Variants in LRRTM4 observed in about 807,000 individuals in gnomAD.
LRRTM4 encodes leucine-rich repeat transmembrane neuronal protein 4.
Under a neutral mutation model 47.6 loss-of-function variants are expected in LRRTM4, and 25 were observed. That is an observed-to-expected ratio of 0.53 (90% CI 0.38 to 0.73). The LOEUF (loss-of-function observed/expected upper bound fraction) is 0.73. Ranked by LOEUF, LRRTM4 falls within the 30% of genes least tolerant of loss-of-function variation. The pLI, the probability that LRRTM4 is intolerant of heterozygous loss-of-function variation, is 0.00. For missense variants in LRRTM4, 638 were observed against 713.4 expected (o/e 0.89, Z 1.20); for synonymous variants, 311 against 269.5 (o/e 1.15, Z -1.51).
intron 3 of LRRTM4, among the ~76,000 whole-genome samples, chr2:76,965,937 G>A (rs2103924858): frequency 6.6e-6 from 1 of 151,366 alleles, no homozygotes; most frequent in Non-Finnish European, 1.5e-5. Context: ...ATAACTGTAG[G>A]GGTTGATTGG....
intron 3 of LRRTM4, among the ~76,000 whole-genome samples, chr2:76,998,279 ATCCTTCCTATTTCCT>A (rs1677275870): frequency 6.6e-6 from 1 of 151,996 alleles, no homozygotes; most frequent in Admixed American, 6.6e-5. Context: ...ATTCAGTTTA[ATCCTTCCTATTTCCT>A]ACATAAGTTT....
chr2:76,908,035 AGCC>A (rs1372000786), intron 3 of LRRTM4, among the ~76,000 whole-genome samples: 22 of 151,624 alleles, frequency 1.5e-4, no homozygotes, highest in Non-Finnish European at 2.4e-4. Context: ...GCAGAGACAC[AGCC>A]AAAAAACAGA....
At chr2:76,917,454 T>G (rs1674291437) in intron 3 of LRRTM4, among the ~76,000 whole-genome samples, 1 of 152,192 alleles carries the variant, frequency 6.6e-6, no homozygotes, top group Non-Finnish European at 1.5e-5. Context: ...AATCTATGTT[T>G]CGCTCAGAAT....
chr2:76,976,265 A>T (rs951493637), intron 3 of LRRTM4, among the ~76,000 whole-genome samples: 1 of 151,810 alleles, frequency 6.6e-6, no homozygotes, highest in Non-Finnish European at 1.5e-5. Context: ...ATAAAAGTGC[A>T]TCTAAAATAA....
At chr2:76,841,364 A>G (rs911291982) in intron 3 of LRRTM4, among the ~76,000 whole-genome samples, 2 of 151,966 alleles carry the variant, frequency 1.3e-5, no homozygotes, top group African/African-American at 4.8e-5. Flanking sequence ...AACATGGCAC[A>G]TGTATACATA....
intron 3 of LRRTM4, among the ~76,000 whole-genome samples, chr2:77,256,321 T>G (rs981690828): frequency 6.6e-6 from 1 of 152,168 alleles, no homozygotes; most frequent in Admixed American, 6.6e-5. Flanking sequence ...GTGTCGTTGG[T>G]AAACTATACC....
chr2:77,476,774 A>T (rs1024632613), intron 3 of LRRTM4, among the ~76,000 whole-genome samples: 1 of 152,172 alleles, frequency 6.6e-6, no homozygotes, highest in Admixed American at 6.5e-5. Context: ...TTACTACAGT[A>T]TATTTGGTGC....
intron 3 of LRRTM4, among the ~76,000 whole-genome samples, chr2:77,398,044 C>G (rs1335124372): frequency 1.3e-5 from 2 of 151,802 alleles, no homozygotes; most frequent in Non-Finnish European, 2.9e-5. Flanking sequence ...TTTAAGAAAG[C>G]CAGCTGACTA....
intron 3 of LRRTM4, among the ~76,000 whole-genome samples, chr2:77,290,217 T>A (rs1676783279): frequency 6.6e-6 from 1 of 152,032 alleles, no homozygotes; most frequent in African/African-American, 2.4e-5. Flanking sequence ...TGATATTAAT[T>A]CAAGACAGAT....
intron 3 of LRRTM4, among the ~76,000 whole-genome samples, chr2:76,837,126 C>A (rs1189335950): frequency 6.6e-6 from 1 of 152,004 alleles, no homozygotes; most frequent in East Asian, 1.9e-4. Flanking sequence ...CTGTATGTGT[C>A]GAGGAATTTA....
At chr2:76,924,101 A>C (rs1435024308) in intron 3 of LRRTM4, among the ~76,000 whole-genome samples, 4 of 152,074 alleles carry the variant, frequency 2.6e-5, no homozygotes, top group African/African-American at 9.7e-5. Context: ...GCATTTCACA[A>C]ATAGTTAAGG....
chr2:77,021,870 C>CCACACCCAAA (rs1446107094), intron 3 of LRRTM4, among the ~76,000 whole-genome samples: 4 of 152,082 alleles, frequency 2.6e-5, no homozygotes. Context: ...TTAATGATTG[C>CCACACCCAAA]CACACCCAAA....
intron 3 of LRRTM4, among the ~76,000 whole-genome samples, chr2:76,834,019 A>ATTATTTATTTATTAT (rs1553416832): frequency 7.1e-6 from 1 of 140,538 alleles, no homozygotes. Flanking sequence ...TCATTTATTT[A>ATTATTTATTTATTAT]TTATTTATTT....
chr2:77,440,080 G>T (rs1675773842), intron 3 of LRRTM4, among the ~76,000 whole-genome samples: 2 of 152,302 alleles, frequency 1.3e-5, no homozygotes, highest in South Asian at 4.1e-4. Context: ...AAAGATGGGT[G>T]AAATTGAGTA....
At chr2:76,974,737 T>C (rs1036697905) in intron 3 of LRRTM4, among the ~76,000 whole-genome samples, 1 of 151,732 alleles carries the variant, frequency 6.6e-6, no homozygotes, top group Non-Finnish European at 1.5e-5. Flanking sequence ...TGACATACTA[T>C]TATAAATTTA....
rs775279021 is a variant in LRRTM4, at chr2:76,885,462, C to CTTTTTTTT, written c.1552-136554_1552-136547dup. Reference sequence around the variant, plus strand: ...GGAAGAAAGTTTTGACAAAAACATGCTTTTTTTTTTTTTTTTTTGAGACGA... The same window carrying CTTTTTTTT: ...GGAAGAAAGTTTTGACAAAAACATGCTTTTTTTTTTTTTTTTTTTTTTTTTTGAGACGA... On this transcript the variant is annotated intron_variant, in intron 3 of 3. Transcript: ENST00000409884. Among the ~76,000 whole-genome samples the CTTTTTTTT allele has an allele frequency of 2.9e-5, 4 of 135,596 alleles. 2 individuals carry two copies. The highest frequency in any genetic ancestry group is 3.2e-5 in the Non-Finnish European group (2 of 62,412). 89.0% of individuals were successfully genotyped at this position (135,596 alleles called of 152,430 possible). A position where few individuals can be genotyped will look rare whatever the true frequency, so the allele number is the denominator to read the frequency against.
intron 3 of LRRTM4, among the ~76,000 whole-genome samples, chr2:77,197,359 T>C (rs759981665): frequency 2.4e-4 from 36 of 151,992 alleles, no homozygotes; most frequent in Non-Finnish European, 5.1e-4. Flanking sequence ...ATTAGCCTTA[T>C]AATCTACACA....
chr2:76,853,076 T>C (rs1672045090), intron 3 of LRRTM4, among the ~76,000 whole-genome samples: 1 of 152,150 alleles, frequency 6.6e-6, no homozygotes, highest in Admixed American at 6.6e-5. Flanking sequence ...TCAAAAGTTT[T>C]ATGCTATGCT....
Position 76,800,318 on chromosome 2 carries a change from T to C in LRRTM4, c.1552-51402A>G, listed in dbSNP as rs746440292. On this transcript the variant is annotated intron_variant, in intron 3 of 3. Coordinates refer to ENST00000409884, the MANE Select transcript of LRRTM4 (RefSeq NM_001134745.3). ...GTGCCGCATATCTACAACTATCTGA[T>C]CTTTGACAAACCTGAGAAAAACAAG... Among the ~76,000 whole-genome samples the C allele has an allele frequency of 7.0e-3, 1,043 of 148,262 alleles. 5 individuals are homozygous for C. The highest frequency in any genetic ancestry group is 0.01 in the Middle Eastern group (3 of 290).
Sources: gnomAD v4.1 joint callset for allele counts (sites outside exome capture counted in the v4.1 genomes callset) on GRCh38, gnomAD v4.1.1 for gene constraint, MANE v1.5 for transcripts, NCBI Gene and HGNC (gene_info 2026-07-23, HGNC 2026-07-21) for gene names.